The following HERPUD2 variants were observed in gnomAD, a reference collection of about 807,000 sequenced individuals.
HERPUD2 encodes homocysteine-responsive endoplasmic reticulum-resident ubiquitin-like domain member 2 protein.
Under a neutral mutation model 49.9 loss-of-function variants are expected in HERPUD2, and 13 were observed. The ratio of observed to expected loss-of-function variants is 0.26; its 90% CI spans 0.17 to 0.41. The LOEUF (loss-of-function observed/expected upper bound fraction) is 0.41. Among genes scored for constraint, HERPUD2 ranks in the 10% least tolerant of loss-of-function variants. HERPUD2 has a pLI of 1.00. For synonymous variants in HERPUD2, 172 were observed against 171.4 expected (o/e 1.00, Z -0.03); for missense variants, 449 against 492.2 (o/e 0.91, Z 0.83).
intron 2 of HERPUD2, among the ~76,000 whole-genome samples, chr7:35,677,153 A>G (rs150130460): frequency 1.8e-3 from 273 of 152,310 alleles, no homozygotes; most frequent in Non-Finnish European, 3.2e-3. Context: ...TTGCCCTTAC[A>G]ATGCTTAACA....
chr7:35,639,625 A>G (rs1280331140), intron 5 of HERPUD2, among the ~76,000 whole-genome samples: 2 of 152,182 alleles, frequency 1.3e-5, no homozygotes, highest in African/African-American at 4.8e-5. Context: ...TCTTCTTCAC[A>G]TTACTTGATT....
intron 5 of HERPUD2, among the ~76,000 whole-genome samples, chr7:35,652,888 G>A (rs967335070): frequency 8.6e-5 from 13 of 151,784 alleles, no homozygotes; most frequent in South Asian, 4.2e-4. Flanking sequence ...CCCTATACCC[G>A]GAAGGAAACA....
intron 2 of HERPUD2, among the ~76,000 whole-genome samples, chr7:35,683,061 GA>G (rs929200679): frequency 1.3e-5 from 2 of 151,476 alleles, no homozygotes; most frequent in Admixed American, 6.6e-5. Context: ...CACAGATGTA[GA>G]AAAAAAAATT....
chr7:35,635,582 GCAC>G (rs1303025308), intron 6 of HERPUD2, 124 bp from the exon 7 acceptor site: 4 of 766,022 alleles, frequency 5.2e-6, no homozygotes, highest in South Asian at 2.0e-5. Flanking sequence ...CCCAACTCCT[GCAC>G]CACATTTCTT....
chr7:35,682,068 TTTTTTGTCACCCAGGC>T (rs1420473816), intron 2 of HERPUD2, among the ~76,000 whole-genome samples: 2 of 151,798 alleles, frequency 1.3e-5, no homozygotes, highest in Non-Finnish European at 2.9e-5. Context: ...AAGTTTTTGG[TTTTTTGTCACCCAGGC>T]TGGAGTACAG....
chr7:35,635,648 C>T (rs1011602975), intron 6 of HERPUD2, among the ~76,000 whole-genome samples, 190 bp from the exon 7 acceptor site: 1 of 152,024 alleles, frequency 6.6e-6, no homozygotes, highest in African/African-American at 2.4e-5. Flanking sequence ...TGGTAGATGT[C>T]GCACAGGAAA....
intron 2 of HERPUD2, among the ~76,000 whole-genome samples, chr7:35,686,180 TTTTTCTTTTTC>T (rs1786038471): frequency 6.7e-6 from 1 of 149,146 alleles, no homozygotes; most frequent in Non-Finnish European, 1.5e-5. Context: ...TATCATTACC[TTTTTCTTTTTC>T]TTTTCTTTTT....
intron 5 of HERPUD2, among the ~76,000 whole-genome samples, chr7:35,654,392 A>G (rs1785231280): frequency 6.6e-6 from 1 of 151,944 alleles, no homozygotes; most frequent in Non-Finnish European, 1.5e-5. Flanking sequence ...GAAATATAAA[A>G]GAGAAATCAT....
intron 5 of HERPUD2, among the ~76,000 whole-genome samples, chr7:35,648,690 T>A (rs1462914138): frequency 6.6e-6 from 1 of 152,236 alleles, no homozygotes; most frequent in East Asian, 1.9e-4. Flanking sequence ...CTTGTCTTCC[T>A]GTCATTTGCC....
chr7:35,656,778 C>T (rs1441521634), intron 5 of HERPUD2, among the ~76,000 whole-genome samples: 2 of 152,170 alleles, frequency 1.3e-5, no homozygotes, highest in Middle Eastern at 3.4e-3. Flanking sequence ...ACCCTCCCTT[C>T]GATAAATGGT....
chr7:35,676,924 T>C (rs963023581), intron 2 of HERPUD2, among the ~76,000 whole-genome samples: 27 of 152,170 alleles, frequency 1.8e-4, no homozygotes, highest in African/African-American at 6.3e-4. Context: ...CCTTAGGATA[T>C]AGGTCACTAG....
intron 2 of HERPUD2, among the ~76,000 whole-genome samples, chr7:35,675,851 T>G (rs556136997): frequency 6.6e-6 from 1 of 152,300 alleles, no homozygotes; most frequent in African/African-American, 2.4e-5. Context: ...TGGTACACAC[T>G]GCAGCCCCGA....
chr7:35,633,976 T>C, intron 8 of HERPUD2, 125 bp from the exon 9 acceptor site: 1 of 925,196 alleles, frequency 1.1e-6, no homozygotes, highest in East Asian at 2.5e-5. Context: ...TCATTAGAAA[T>C]CTTTAAGGCC....
intron 5 of HERPUD2, among the ~76,000 whole-genome samples, chr7:35,652,872 A>G (rs1018115233): frequency 2.0e-5 from 3 of 152,154 alleles, no homozygotes; most frequent in African/African-American, 4.8e-5. Flanking sequence ...GAAATAATTA[A>G]GGGAGCCCTA....
At chr7:35,657,726 T>C (rs1330945917) in intron 5 of HERPUD2, among the ~76,000 whole-genome samples, 6 of 147,464 alleles carry the variant, frequency 4.1e-5, no homozygotes, top group Non-Finnish European at 9.0e-5. Flanking sequence ...TGGCTAACAC[T>C]GTGAAACCCC....
intron 6 of HERPUD2, among the ~76,000 whole-genome samples, chr7:35,636,323 C>G (rs531500718): frequency 6.6e-6 from 1 of 152,128 alleles, no homozygotes; most frequent in South Asian, 2.1e-4. Flanking sequence ...ATAAGTGGTT[C>G]CCAGGCTACA....
intron 2 of HERPUD2, among the ~76,000 whole-genome samples, chr7:35,689,925 C>A (rs559680697): frequency 6.6e-6 from 1 of 152,152 alleles, no homozygotes; most frequent in African/African-American, 2.4e-5. Context: ...TTCATGAGAA[C>A]AGATATAGTA....
intron 5 of HERPUD2, among the ~76,000 whole-genome samples, chr7:35,648,901 A>G (rs1170235359): frequency 6.6e-6 from 1 of 152,232 alleles, no homozygotes; most frequent in Non-Finnish European, 1.5e-5. Context: ...CTCCATCAAT[A>G]TATGTGTGAA....
Position 35,633,504 on chromosome 7 carries a change from A to G in HERPUD2, c.*186T>C. ...TGTTAGGATCTTTAAAAAAAAAAAA[A>G]AAAAACTCAGATATTTAGTAGTCCA... On this transcript the variant is annotated 3_prime_UTR_variant, in exon 9 of 9. Coordinates refer to ENST00000311350, the MANE Select transcript of HERPUD2 (RefSeq NM_022373.5). The G allele has an allele frequency of 2.2e-6, 1 of 450,862 alleles. No homozygotes were observed. Among genetic ancestry groups the G allele is most frequent in the Middle Eastern group, 6.2e-4 (1 of 1,606 alleles). The allele number at this position is 450,862 out of a possible 1,614,324, so 27.9% of individuals were successfully genotyped here.
Sources: gnomAD v4.1 joint callset for allele counts (sites outside exome capture counted in the v4.1 genomes callset) on GRCh38, gnomAD v4.1.1 for gene constraint, MANE v1.5 for transcripts, NCBI Gene and HGNC (gene_info 2026-07-23, HGNC 2026-07-21) for gene names.